BSN: variants seen among roughly 807,000 people sequenced by gnomAD.
BSN encodes protein bassoon.
BSN carries 57 observed loss-of-function variants against 264.8 expected under a neutral mutation model. The observed-to-expected ratio is 0.22, with a 90% confidence interval of 0.17 to 0.27. The LOEUF (loss-of-function observed/expected upper bound fraction) is 0.27. BSN is among the 10% of genes least tolerant of loss of function. The pLI, the probability that BSN is intolerant of heterozygous loss-of-function variation, is 1.00. For synonymous variants in BSN, 2,059 were observed against 2,137.3 expected (o/e 0.96, Z 1.01); for missense variants, 4,615 against 5,232.5 (o/e 0.88, Z 3.64).
At chr3:49,599,797 A>G (rs1008502537) in intron 1 of BSN, among the ~76,000 whole-genome samples, 1 of 152,204 alleles carries the variant, frequency 6.6e-6, no homozygotes, top group African/African-American at 2.4e-5. Flanking sequence ...GTAACTCCTC[A>G]GTATAAAGCC....
rs1225570532 is a variant in BSN, at chr3:49,652,624, G to A, written c.3068G>A (p.Arg1023His). ...RQRLEEAKQQ[R>H]KARHRSHGPL... Reference sequence around the variant, plus strand: ...CGTCTAGAAGAAGCAAAGCAGCAGCGCAAGGCCCGGCACCGCTCCCACGGG... The same window carrying A: ...CGTCTAGAAGAAGCAAAGCAGCAGCACAAGGCCCGGCACCGCTCCCACGGG... Residue 1023 changes from arginine (R) to histidine (H), a missense_variant, in exon 5 of 12, where the codon CGC (arginine) becomes CAC (histidine). Transcript: ENST00000296452. 14 of 1,612,668 alleles carry A rather than the reference G, an allele frequency of 8.7e-6. No homozygotes were observed. Among genetic ancestry groups the A allele is most frequent in the African/African-American group, 1.3e-5 (1 of 74,924 alleles).
At chr3:49,581,378 C>T (rs1333764891) in intron 1 of BSN, among the ~76,000 whole-genome samples, 3 of 152,138 alleles carry the variant, frequency 2.0e-5, no homozygotes, top group African/African-American at 4.8e-5. Flanking sequence ...GTTTTAGTTA[C>T]CCACGGTATG....
chr3:49,656,366 T>A lies in BSN; in HGVS notation c.6810T>A (p.Ala2270=). ...RYPAPSRFPI[A]SSVPPAEGPV... ...CTGCACCAAGTAGATTTCCCATTGC[T>A]TCCAGTGTTCCACCTGCAGAAGGGC... Residue 2270 remains alanine, a synonymous_variant, in exon 5 of 12, where the codon GCT becomes GCA. Coordinates refer to ENST00000296452, the MANE Select transcript of BSN (RefSeq NM_003458.4). 1 of 1,601,572 alleles carries A rather than the reference T, an allele frequency of 6.2e-7. No individual in the cohort carries two copies. The highest frequency in any genetic ancestry group is 8.5e-7 in the Non-Finnish European group (1 of 1,173,256).
At chr3:49,641,416 G>A (rs969585339) in intron 2 of BSN, among the ~76,000 whole-genome samples, 2 of 152,186 alleles carry the variant, frequency 1.3e-5, no homozygotes, top group African/African-American at 4.8e-5. Context: ...AACGTGGAGG[G>A]CTCTAACCGA....
intron 1 of BSN, among the ~76,000 whole-genome samples, chr3:49,576,970 C>T (rs1029904032): frequency 1.3e-5 from 2 of 152,198 alleles, no homozygotes; most frequent in Admixed American, 1.3e-4. Flanking sequence ...CTCTCTGGAA[C>T]TCTTCTCCAA....
chr3:49,664,023 C>A (rs1441379263), intron 8 of BSN, 137 bp downstream of exon 8: 3 of 850,492 alleles, frequency 3.5e-6, no homozygotes, highest in East Asian at 2.7e-5. Context: ...GGGCTGTAGA[C>A]CTCCCCAGCA....
chr3:49,664,648 G>A, intron 9 of BSN, 94 bp downstream of exon 9: 1 of 1,544,690 alleles, frequency 6.5e-7, no homozygotes, highest in Non-Finnish European at 8.7e-7. Context: ...CCAGGCAGAG[G>A]CCAGCCAGAG....
intron 1 of BSN, among the ~76,000 whole-genome samples, chr3:49,595,568 C>T (rs936067507): frequency 8.6e-5 from 13 of 151,842 alleles, no homozygotes; most frequent in African/African-American, 1.2e-4. Flanking sequence ...CATAGCTCAC[C>T]GCAGCCTTGA....
At chr3:49,627,706 T>G (rs564022908) in intron 2 of BSN, among the ~76,000 whole-genome samples, 1 of 152,168 alleles carries the variant, frequency 6.6e-6, no homozygotes, top group South Asian at 2.1e-4. Flanking sequence ...ATTCTGGGCA[T>G]GTGTAAGGGG....
intron 1 of BSN, among the ~76,000 whole-genome samples, chr3:49,621,865 A>G (rs1330445121): frequency 6.6e-6 from 1 of 152,156 alleles, no homozygotes; most frequent in Non-Finnish European, 1.5e-5. Context: ...TGACTTGGCA[A>G]CCTGGCAAGT....
At chr3:49,580,167 A>G (rs974697066) in intron 1 of BSN, among the ~76,000 whole-genome samples, 3 of 152,092 alleles carry the variant, frequency 2.0e-5, no homozygotes, top group Admixed American at 6.6e-5. Flanking sequence ...GCTAGATTCA[A>G]ACTCCTGGGC....
chr3:49,637,262 G>C (rs558744970), intron 2 of BSN, among the ~76,000 whole-genome samples: 1 of 152,124 alleles, frequency 6.6e-6, no homozygotes, highest in Non-Finnish European at 1.5e-5. Flanking sequence ...GAGAGGAGGC[G>C]AGTGGGAAGA....
Position 49,661,970 on chromosome 3 carries a change from T to A in BSN, c.10125T>A (p.Ile3375=). Residue 3375 remains isoleucine, a synonymous_variant, in exon 6 of 12, where the codon ATT becomes ATA. Transcript: ENST00000296452. Reference sequence around the variant, plus strand: ...AAAAGATATCCAAGTTCTCGCCTATTGAAGAGGCCAAAGACGTAGAGTCAG... The same window carrying A: ...AAAAGATATCCAAGTTCTCGCCTATAGAAGAGGCCAAAGACGTAGAGTCAG... ...MEQKISKFSP[I]EEAKDVESDL... The A allele has an allele frequency of 6.2e-7, 1 of 1,613,912 alleles. No individual in the cohort carries two copies. The highest frequency in any genetic ancestry group is 8.5e-7 in the Non-Finnish European group (1 of 1,180,040).
intron 1 of BSN, among the ~76,000 whole-genome samples, chr3:49,572,575 C>T (rs1460161661): frequency 6.6e-6 from 1 of 152,178 alleles, no homozygotes; most frequent in African/African-American, 2.4e-5. Flanking sequence ...GCTCTGTCGC[C>T]CAGGCTGGAG....
chr3:49,652,479 T>A lies in BSN; in HGVS notation c.2923T>A (p.Ser975Thr), dbSNP rs1421011860. 1.9e-6 allele frequency: 3 copies of A among 1,613,742 alleles called. No homozygotes were observed. The highest frequency in any genetic ancestry group is 8.5e-7 in the Non-Finnish European group (1 of 1,179,998). The change falls in exon 5 of 12, where the codon TCC (serine) becomes ACC (threonine). Residue 975 changes from serine (S) to threonine (T), a missense_variant. Ser to Thr is a moderately conservative substitution (Grantham distance 58). Around this residue, in one of 3 missense-constraint regions of BSN, gnomAD observed 1,197 missense variants for 1,348.0 expected, o/e 0.89. Coordinates refer to ENST00000296452, the MANE Select transcript of BSN (RefSeq NM_003458.4). ...ESLTGSPEDR[S>T]RGEHSSTLPA... Reference sequence around the variant, plus strand: ...CCTAACGGGCTCCCCTGAGGACCGCTCCCGTGGTGAGCACTCCTCTACATT... The same window carrying A: ...CCTAACGGGCTCCCCTGAGGACCGCACCCGTGGTGAGCACTCCTCTACATT...
At chr3:49,597,615 G>A (rs1038256677) in intron 1 of BSN, among the ~76,000 whole-genome samples, 1 of 152,136 alleles carries the variant, frequency 6.6e-6, no homozygotes, top group African/African-American at 2.4e-5. Context: ...ACAGACATGA[G>A]CCACTGCACT....
chr3:49,639,535 G>A (rs768779261), intron 2 of BSN, among the ~76,000 whole-genome samples: 3 of 152,202 alleles, frequency 2.0e-5, no homozygotes, highest in Non-Finnish European at 2.9e-5. Context: ...TGGGTTAATT[G>A]TTCCCAGCTA....
At chr3:49,650,044 G>T (rs960345817) in intron 3 of BSN, among the ~76,000 whole-genome samples, 8 of 152,188 alleles carry the variant, frequency 5.3e-5, no homozygotes, top group African/African-American at 1.9e-4. Context: ...CACCAAGCAG[G>T]GTTACTCCCA....
intron 1 of BSN, among the ~76,000 whole-genome samples, chr3:49,591,457 C>T (rs538260724): frequency 6.6e-6 from 1 of 152,210 alleles, no homozygotes; most frequent in African/African-American, 2.4e-5. Flanking sequence ...TGTGGTGTCA[C>T]TTGCTTTCTG....
Sources: allele counts gnomAD v4.1 joint callset (sites outside exome capture counted in the v4.1 genomes callset), GRCh38; gene constraint gnomAD v4.1.1; regional missense constraint gnomAD v4.1.1; transcripts MANE v1.5; gene names NCBI Gene and HGNC (gene_info 2026-07-23, HGNC 2026-07-21).